The following ANO10 variants were observed in gnomAD, a reference collection of about 807,000 sequenced individuals.
ANO10 encodes anoctamin 10.
In ANO10, 77 loss-of-function variants were observed where a neutral mutation model predicts 74.7. The observed-to-expected ratio is 1.03, with a 90% confidence interval of 0.86 to 1.25. The LOEUF is 1.25. Ranked by LOEUF, ANO10 falls within the 50% of genes most tolerant of loss-of-function variation. The probability of loss-of-function intolerance (pLI) is 0.00; values close to 1 mark genes in which losing one functional copy is unlikely to be tolerated. For synonymous variants in ANO10, 279 were observed against 284.9 expected (o/e 0.98, Z 0.21); for missense variants, 721 against 778.1 (o/e 0.93, Z 0.87).
At chr3:43,562,038 C>T (rs141630946) in intron 8 of ANO10, among the ~76,000 whole-genome samples, 124 of 152,216 alleles carry the variant, frequency 8.1e-4, no homozygotes, top group African/African-American at 2.8e-3. Context: ...AAAAAATCCA[C>T]ATATTTACAG....
At chr3:43,674,881 G>T (rs1381752557) in intron 1 of ANO10, among the ~76,000 whole-genome samples, 1 of 152,152 alleles carries the variant, frequency 6.6e-6, no homozygotes, top group Admixed American at 6.5e-5. Flanking sequence ...GCATGACCTT[G>T]GTGAGACGGC....
chr3:43,617,048 T>A (rs75595272), intron 1 of ANO10, among the ~76,000 whole-genome samples: 2 of 150,798 alleles, frequency 1.3e-5, no homozygotes, highest in Non-Finnish European at 3.0e-5. Flanking sequence ...ATATCAAGTG[T>A]AAGGTGTAAA....
chr3:43,620,976 G>C (rs1179210059), intron 1 of ANO10, among the ~76,000 whole-genome samples: 2 of 152,154 alleles, frequency 1.3e-5, no homozygotes, highest in Admixed American at 1.3e-4. Context: ...TGGGCCCTTA[G>C]AAAACATCTA....
At chr3:43,460,444 G>C (rs2075327888) in intron 11 of ANO10, among the ~76,000 whole-genome samples, 1 of 152,146 alleles carries the variant, frequency 6.6e-6, no homozygotes, top group Admixed American at 6.5e-5. Context: ...ACTTTCTTGG[G>C]GTGGAAGGTA....
chr3:43,659,498 G>C (rs947729320), intron 1 of ANO10, among the ~76,000 whole-genome samples: 3 of 152,176 alleles, frequency 2.0e-5, no homozygotes, highest in Admixed American at 2.0e-4. Context: ...GGAGCTTGGT[G>C]GGGGGAGGGG....
At chr3:43,565,459 G>A (rs1395650662) in intron 8 of ANO10, among the ~76,000 whole-genome samples, 194 bp downstream of exon 8, 1 of 151,986 alleles carries the variant, frequency 6.6e-6, no homozygotes, top group African/African-American at 2.4e-5. Flanking sequence ...GGTTGGTTAG[G>A]TTCAACTCAT....
chr3:43,641,580 T>C (rs2083670563), intron 1 of ANO10, among the ~76,000 whole-genome samples: 1 of 152,210 alleles, frequency 6.6e-6, no homozygotes, highest in Non-Finnish European at 1.5e-5. Flanking sequence ...CTGAAAAAAC[T>C]ACTGAGAAAT....
chr3:43,527,485 G>A (rs1341706760), intron 11 of ANO10, among the ~76,000 whole-genome samples: 1 of 152,074 alleles, frequency 6.6e-6, no homozygotes, highest in Non-Finnish European at 1.5e-5. Context: ...TTATTACAGA[G>A]TTCTGGGTTC....
At chr3:43,596,492 G>C (rs960055745) in intron 4 of ANO10, among the ~76,000 whole-genome samples, 1 of 151,956 alleles carries the variant, frequency 6.6e-6, no homozygotes, top group African/African-American at 2.4e-5. Flanking sequence ...TGACAAACCT[G>C]ACAAAAACAA....
intron 4 of ANO10, among the ~76,000 whole-genome samples, chr3:43,588,944 G>A (rs1192297940): frequency 6.6e-6 from 1 of 152,058 alleles, no homozygotes; most frequent in Non-Finnish European, 1.5e-5. Context: ...GAGCTATGAT[G>A]GATCAAGAAA....
chr3:43,485,893 G>A (rs1025915547), intron 11 of ANO10: 3 of 249,082 alleles, frequency 1.2e-5, no homozygotes, highest in East Asian at 1.4e-4. Flanking sequence ...CGTCCTCTCC[G>A]CGCTCACCGC....
At chr3:43,535,267 CTT>C (rs71616100) in intron 11 of ANO10, among the ~76,000 whole-genome samples, 9 of 107,860 alleles carry the variant, frequency 8.3e-5, no homozygotes, top group South Asian at 3.2e-4. Context: ...CCTAGACATT[CTT>C]TTTTTTTTTT....
intron 12 of ANO10, among the ~76,000 whole-genome samples, chr3:43,387,783 C>A (rs543220326): frequency 6.6e-6 from 1 of 152,250 alleles, no homozygotes; most frequent in East Asian, 1.9e-4. Context: ...GGTGGCAGGA[C>A]AGCCCCTTTC....
chr3:43,488,357 G>T (rs2076582565), intron 11 of ANO10, among the ~76,000 whole-genome samples: 1 of 150,524 alleles, frequency 6.6e-6, no homozygotes, highest in African/African-American at 2.4e-5. Context: ...CACAGCAAAA[G>T]AACCTACCAT....
chr3:43,568,733 G>A (rs1166736085), intron 7 of ANO10, among the ~76,000 whole-genome samples: 1 of 144,412 alleles, frequency 6.9e-6, no homozygotes, highest in Admixed American at 7.0e-5. Context: ...AGAGAAAGCA[G>A]GAAAGATCCA....
intron 11 of ANO10, among the ~76,000 whole-genome samples, chr3:43,487,850 C>T (rs1408656783): frequency 6.6e-6 from 1 of 151,666 alleles, no homozygotes; most frequent in Non-Finnish European, 1.5e-5. Context: ...AAAAAGAGCC[C>T]GCATCGCCAA....
Position 43,605,789 on chromosome 3 carries a change from C to A in ANO10, c.64G>T (p.Glu22Ter). The A allele has an allele frequency of 6.2e-7, 1 of 1,613,588 alleles. No individual in the cohort carries two copies. The highest frequency in any genetic ancestry group is 8.5e-7 in the Non-Finnish European group (1 of 1,179,768). ...ESSFTPLVVI[E>*]LAQDVKEETK... ...TCTTCTTTGACATCCTGAGCAAGTTCTATGACCACCAAAGGTGTGAAAGAA... is the reference window on the plus strand; with the variant it reads ...TCTTCTTTGACATCCTGAGCAAGTTATATGACCACCAAAGGTGTGAAAGAA... Residue 22 changes from glutamate (E) to a stop codon, truncating the protein, a stop_gained, in exon 2 of 13, where the codon GAA becomes TAA. Coordinates refer to ENST00000292246, the MANE Select transcript of ANO10 (RefSeq NM_018075.5). LOFTEE classifies it high-confidence loss of function.
chr3:43,641,930 T>C (rs2083674431), intron 1 of ANO10, among the ~76,000 whole-genome samples: 1 of 152,112 alleles, frequency 6.6e-6, no homozygotes, highest in Admixed American at 6.6e-5. Flanking sequence ...CCCACCCACA[T>C]ACAGACATAC....
intron 11 of ANO10, among the ~76,000 whole-genome samples, chr3:43,532,376 C>G (rs1293331333): frequency 6.6e-6 from 1 of 152,270 alleles, no homozygotes. Flanking sequence ...AATATGAAAA[C>G]ACAGGTAGGT....
Sources: gnomAD v4.1 joint callset for allele counts (sites outside exome capture counted in the v4.1 genomes callset) on GRCh38, gnomAD v4.1.1 for gene constraint, MANE v1.5 for transcripts, NCBI Gene and HGNC (gene_info 2026-07-23, HGNC 2026-07-21) for gene names.